EXOC6B: variants seen among roughly 807,000 people sequenced by gnomAD.
EXOC6B encodes SEC15 homolog B.
In EXOC6B, 54 loss-of-function variants were observed where a neutral mutation model predicts 113.5. The observed-to-expected ratio is 0.48, with a 90% CI of 0.38 to 0.60. EXOC6B has a LOEUF of 0.60. EXOC6B is among the 20% of genes least tolerant of loss of function. EXOC6B has a pLI of 0.00. For synonymous variants in EXOC6B, 357 were observed against 339.0 expected (o/e 1.05, Z -0.58); for missense variants, 797 against 977.5 (o/e 0.82, Z 2.46).
chr2:72,582,379 T>G (rs1298943479), intron 6 of EXOC6B, among the ~76,000 whole-genome samples: 1 of 151,794 alleles, frequency 6.6e-6, no homozygotes, highest in Non-Finnish European at 1.5e-5. Flanking sequence ...AAAAAAAGGC[T>G]GGGCACCTGT....
chr2:72,569,774 A>G (rs929174143), intron 7 of EXOC6B, among the ~76,000 whole-genome samples: 3 of 152,194 alleles, frequency 2.0e-5, no homozygotes, highest in African/African-American at 7.2e-5. Flanking sequence ...TGTCAATAGA[A>G]AGTTTTACAA....
At chr2:72,319,056 T>C (rs543046803) in intron 20 of EXOC6B, among the ~76,000 whole-genome samples, 142 of 152,080 alleles carry the variant, frequency 9.3e-4, no homozygotes, top group African/African-American at 3.3e-3. Context: ...ACAACTCTTA[T>C]ATAAATAATT....
chr2:72,223,342 T>C (rs1397638766), intron 20 of EXOC6B, among the ~76,000 whole-genome samples: 1 of 152,206 alleles, frequency 6.6e-6, no homozygotes, highest in Admixed American at 6.5e-5. Flanking sequence ...GTGCAGTGTA[T>C]AAAAGATAAA....
intron 20 of EXOC6B, among the ~76,000 whole-genome samples, chr2:72,231,539 T>TA (rs893601404): frequency 1.3e-5 from 2 of 151,980 alleles, no homozygotes; most frequent in African/African-American, 2.4e-5. Context: ...AATAAGTATA[T>TA]AAAAAATGGG....
At chr2:72,600,583 A>C (rs1168351597) in intron 6 of EXOC6B, among the ~76,000 whole-genome samples, 2 of 152,176 alleles carry the variant, frequency 1.3e-5, no homozygotes, top group Non-Finnish European at 2.9e-5. Flanking sequence ...TTTGACTAGA[A>C]AATGAAGAAA....
chr2:72,248,207 C>A (rs765982779), intron 20 of EXOC6B, among the ~76,000 whole-genome samples: 1 of 152,070 alleles, frequency 6.6e-6, no homozygotes, highest in African/African-American at 2.4e-5. Context: ...ATTAAAATTC[C>A]ATGTCCCATG....
At chr2:72,196,109 G>A (rs773374617) in intron 20 of EXOC6B, among the ~76,000 whole-genome samples, 8 of 152,142 alleles carry the variant, frequency 5.3e-5, no homozygotes, top group Admixed American at 3.3e-4. Context: ...TTTACCAACA[G>A]TGAATTTCAA....
At chr2:72,490,499 G>A (rs1699677846) in intron 16 of EXOC6B, among the ~76,000 whole-genome samples, 1 of 151,982 alleles carries the variant, frequency 6.6e-6, no homozygotes, top group Non-Finnish European at 1.5e-5. Flanking sequence ...TCCAAAGGTA[G>A]GTAGTATAAT....
intron 20 of EXOC6B, among the ~76,000 whole-genome samples, chr2:72,284,186 A>G (rs569341093): frequency 2.0e-5 from 3 of 152,288 alleles, no homozygotes; most frequent in Middle Eastern, 6.8e-3. Context: ...AGAAAACTAC[A>G]TATCAATATC....
intron 20 of EXOC6B, among the ~76,000 whole-genome samples, chr2:72,238,582 T>C (rs976914351): frequency 2.6e-5 from 4 of 152,236 alleles, no homozygotes; most frequent in African/African-American, 9.6e-5. Flanking sequence ...CTTGTCTTTT[T>C]TATTCTAGCT....
At chr2:72,188,207 C>T (rs1678574003) in intron 20 of EXOC6B, among the ~76,000 whole-genome samples, 1 of 152,216 alleles carries the variant, frequency 6.6e-6, no homozygotes, top group African/African-American at 2.4e-5. Context: ...CCAGTCTTGC[C>T]TCCCTGCTGC....
chr2:72,571,986 C>A (rs1276291685), intron 7 of EXOC6B, among the ~76,000 whole-genome samples: 1 of 152,074 alleles, frequency 6.6e-6, no homozygotes, highest in Non-Finnish European at 1.5e-5. Context: ...GTAAAAAGTT[C>A]TTCACAGAGT....
intron 1 of EXOC6B, among the ~76,000 whole-genome samples, chr2:72,746,659 AAAG>A (rs1681716479): frequency 6.6e-6 from 1 of 152,082 alleles, no homozygotes. Flanking sequence ...TTTGCTTGTC[AAAG>A]AAGGAGGAAA....
intron 6 of EXOC6B, among the ~76,000 whole-genome samples, chr2:72,576,969 G>A (rs1365800820): frequency 6.6e-6 from 1 of 151,998 alleles, no homozygotes; most frequent in Non-Finnish European, 1.5e-5. Flanking sequence ...TCTGCATAAG[G>A]TTAATGAAAT....
intron 17 of EXOC6B, among the ~76,000 whole-genome samples, chr2:72,471,260 G>A (rs1698394499): frequency 1.3e-5 from 2 of 152,282 alleles, no homozygotes; most frequent in South Asian, 4.1e-4. Flanking sequence ...CTGCATAAAT[G>A]TCTTCTTTTG....
chr2:72,289,769 GC>G (rs1685671597), intron 20 of EXOC6B, among the ~76,000 whole-genome samples: 1 of 152,148 alleles, frequency 6.6e-6, no homozygotes, highest in Non-Finnish European at 1.5e-5. Context: ...GGTGGCTCAT[GC>G]CTTTAGTACC....
chr2:72,648,180 T>C (rs958609593), intron 6 of EXOC6B, among the ~76,000 whole-genome samples: 6 of 152,136 alleles, frequency 3.9e-5, no homozygotes, highest in African/African-American at 1.4e-4. Context: ...CATGAAAAAA[T>C]GCTCATCATC....
chr2:72,367,757 T>A (rs867146148), intron 19 of EXOC6B, among the ~76,000 whole-genome samples: 3 of 152,144 alleles, frequency 2.0e-5, no homozygotes, highest in Middle Eastern at 3.2e-3. Context: ...ACTGGGGGAC[T>A]TTACATTGAA....
chr2:72,453,124 C>G (rs1697006541), intron 18 of EXOC6B, among the ~76,000 whole-genome samples: 1 of 152,102 alleles, frequency 6.6e-6, no homozygotes, highest in East Asian at 1.9e-4. Flanking sequence ...AAATTTAAAT[C>G]TGTATTCCAA....
Sources: gnomAD v4.1 joint callset for allele counts (sites outside exome capture counted in the v4.1 genomes callset) on GRCh38, gnomAD v4.1.1 for gene constraint, MANE v1.5 for transcripts, NCBI Gene and HGNC (gene_info 2026-07-23, HGNC 2026-07-21) for gene names.